DDB1: variants seen among roughly 807,000 people sequenced by gnomAD.
The protein encoded by DDB1 is damage specific DNA binding protein 1.
A neutral mutation model predicts 133.1 loss-of-function variants in DDB1; 18 were observed. The observed-to-expected ratio is 0.14, with a 90% CI of 0.09 to 0.20. The LOEUF is 0.20. DDB1 is among the 10% of genes least tolerant of loss of function. The pLI is 1.00. For missense variants in DDB1, 828 were observed against 1,459.2 expected, an observed-to-expected ratio of 0.57 and a Z score of 7.05; for synonymous variants, 580 against 550.5, an observed-to-expected ratio of 1.05 and a Z score of -0.75.
intron 19 of DDB1, 24 bp from the exon 20 acceptor site, chr11:61,309,984 G>A (rs761928696): frequency 1.2e-5 from 20 of 1,614,006 alleles, no homozygotes; most frequent in South Asian, 6.6e-5. Flanking sequence ...AGATGACTAC[G>A]TGATGACAGG....
intron 10 of DDB1, among the ~76,000 whole-genome samples, chr11:61,318,064 T>C (rs1729331303): frequency 6.6e-6 from 1 of 152,188 alleles, no homozygotes; most frequent in South Asian, 2.1e-4. Context: ...TTTAAGGAAA[T>C]AGAGTATTAC....
At chr11:61,328,990 T>G (rs911498165) in intron 4 of DDB1, among the ~76,000 whole-genome samples, 38 of 152,364 alleles carry the variant, frequency 2.5e-4, no homozygotes, top group South Asian at 1.0e-3. Flanking sequence ...AATTTCTCTT[T>G]GCTTAATATA....
chr11:61,309,989 G>A (rs772991152), intron 19 of DDB1, 29 bp from the exon 20 acceptor site: 2 of 1,614,126 alleles, frequency 1.2e-6, no homozygotes, highest in African/African-American at 2.7e-5. Context: ...ACTACGTGAT[G>A]ACAGGTTACC....
chr11:61,312,568 G>A (rs1306578353), intron 16 of DDB1, among the ~76,000 whole-genome samples: 6 of 148,270 alleles, frequency 4.0e-5, no homozygotes, highest in South Asian at 2.1e-4. Flanking sequence ...GGAGTGCAGC[G>A]GTGAAATCTA....
At chr11:61,313,474 A>G in intron 16 of DDB1, 25 bp downstream of exon 16, 1 of 1,601,772 alleles carries the variant, frequency 6.2e-7, no homozygotes, top group South Asian at 1.1e-5. Flanking sequence ...AATAGCTCTC[A>G]TTAAATAAGG....
chr11:61,316,023 T>C (rs560092836), intron 12 of DDB1: 66 of 341,804 alleles, frequency 1.9e-4, no homozygotes, highest in Non-Finnish European at 3.0e-4. Context: ...TTTATGTTTA[T>C]ATATATAATG....
At position 61,331,449 on chromosome 11, in the gene DDB1, T is replaced by C; in HGVS notation, c.210+94A>G. 2.0e-6 allele frequency: 3 copies of C among 1,518,268 alleles called. No individual in the cohort carries two copies. In the South Asian group the frequency reaches 3.8e-5, roughly 19 times the overall value. 94.0% of individuals were successfully genotyped at this position (1,518,268 alleles called of 1,614,324 possible). A position where few individuals can be genotyped will look rare whatever the true frequency, so the allele number is the denominator to read the frequency against. On this transcript the variant is annotated intron_variant, in intron 2 of 26. Transcript: ENST00000301764. The stretch of plus-strand genomic sequence containing the variant: ...CCTGGGCAACACTGTGAGACCCCCG[T>C]CTCAAAGAAAATAAATAAACAAACA...
intron 24 of DDB1, 60 bp from the exon 25 acceptor site, chr11:61,302,419 T>C: frequency 6.3e-7 from 1 of 1,592,502 alleles, no homozygotes. Flanking sequence ...ATGTATCCTC[T>C]ACGTAAAGGG....
At chr11:61,303,751 G>T in intron 22 of DDB1, 114 bp downstream of exon 22, 1 of 968,012 alleles carries the variant, frequency 1.0e-6, no homozygotes, top group Non-Finnish European at 1.5e-6. Flanking sequence ...TGTCTGCTCC[G>T]GGGAAAACAT....
At chr11:61,317,491 A>C (rs1856110136) in intron 10 of DDB1, among the ~76,000 whole-genome samples, 1 of 152,008 alleles carries the variant, frequency 6.6e-6, no homozygotes, top group Admixed American at 6.6e-5. Flanking sequence ...CCCAAAGTCT[A>C]AATTTATTTA....
intron 4 of DDB1, among the ~76,000 whole-genome samples, chr11:61,328,923 T>C (rs1393359651): frequency 6.6e-6 from 1 of 152,038 alleles, no homozygotes; most frequent in Non-Finnish European, 1.5e-5. Flanking sequence ...CAGTAAGTGA[T>C]TACTGGACAA....
chr11:61,301,895 C>T, intron 25 of DDB1: 1 of 178,918 alleles, frequency 5.6e-6, no homozygotes, highest in Admixed American at 5.6e-5. Context: ...TTTCTCTAGT[C>T]TCAGACACTG....
intron 21 of DDB1, among the ~76,000 whole-genome samples, chr11:61,305,368 A>T (rs1476298283): frequency 6.6e-6 from 1 of 152,042 alleles, no homozygotes; most frequent in Non-Finnish European, 1.5e-5. Context: ...TCAGCTGGGC[A>T]TTGTGACGTG....
rs1230815642 is a variant in DDB1, at chr11:61,324,142, CA to C, written c.763-6del. Reference sequence around the variant, plus strand: ...GTGGCACACAATCGTGCTTTGCTGCCAATTGGAAGGAAACAGTCATTAGAGA... The same window carrying C: ...GTGGCACACAATCGTGCTTTGCTGCCATTGGAAGGAAACAGTCATTAGAGA... On this transcript the variant is annotated splice_region_variant and splice_polypyrimidine_tract_variant and intron_variant, in intron 6 of 26. Coordinates refer to ENST00000301764, the MANE Select transcript of DDB1 (RefSeq NM_001923.5). 10 of 1,613,902 alleles carry C rather than the reference CA, an allele frequency of 6.2e-6. No homozygotes were observed. The highest frequency in any genetic ancestry group is 8.5e-6 in the Non-Finnish European group (10 of 1,179,948).
intron 16 of DDB1, among the ~76,000 whole-genome samples, 191 bp downstream of exon 16, chr11:61,313,308 A>T (rs897452521): frequency 6.6e-6 from 1 of 152,190 alleles, no homozygotes; most frequent in Non-Finnish European, 1.5e-5. Flanking sequence ...TGAGGATTCC[A>T]AAAATCCTGT....
chr11:61,317,085 C>T (rs1336880584), intron 10 of DDB1, among the ~76,000 whole-genome samples: 1 of 148,254 alleles, frequency 6.7e-6, no homozygotes, highest in Non-Finnish European at 1.5e-5. Flanking sequence ...GGTTTTAAGG[C>T]TCTAAAAAGT....
At chr11:61,325,005 G>A (rs7118030) in intron 6 of DDB1, among the ~76,000 whole-genome samples, 3,919 of 152,226 alleles carry the variant, frequency 0.026, 77 homozygotes, top group Middle Eastern at 0.078. Context: ...AAAATTAGCC[G>A]GGCGTGATGG....
Position 61,303,700 on chromosome 11 carries a change from CAAAAA to C in DDB1, c.2832+160_2832+164del, listed in dbSNP as rs59840297. On this transcript the variant is annotated intron_variant, in intron 22 of 26. Transcript: ENST00000301764. ...GCCTGGACAGAGCCAGACTGCGTCT[CAAAAA>C]AAAAAAAAAAAAAAAAAAACTTAAT... Among the ~76,000 whole-genome samples, 102 of 44,248 alleles carry C rather than the reference CAAAAA, an allele frequency of 2.3e-3. 1 individual carries two copies. Among genetic ancestry groups the C allele is most frequent in the African/African-American group, 6.9e-3 (96 of 13,934 alleles). The allele number at this position is 44,248 out of a possible 152,430, so 29.0% of individuals were successfully genotyped here. A position where few individuals can be genotyped will look rare whatever the true frequency, so the allele number is the denominator to read the frequency against.
At chr11:61,312,677 A>T (rs1416729655) in intron 16 of DDB1, among the ~76,000 whole-genome samples, 1 of 151,720 alleles carries the variant, frequency 6.6e-6, no homozygotes, top group Non-Finnish European at 1.5e-5. Flanking sequence ...TGGCTCACTG[A>T]AAACTCTGCC....
Sources: gnomAD v4.1 joint callset for allele counts (sites outside exome capture counted in the v4.1 genomes callset) on GRCh38, gnomAD v4.1.1 for gene constraint, MANE v1.5 for transcripts, NCBI Gene and HGNC (gene_info 2026-07-23, HGNC 2026-07-21) for gene names.